C1orf87: variants seen among roughly 807,000 people sequenced by gnomAD.
C1orf87 encodes the protein uncharacterized protein C1orf87.
C1orf87 carries 58 observed loss-of-function variants against 60.5 expected under a neutral mutation model. The ratio of observed to expected loss-of-function variants is 0.96; its 90% CI spans 0.78 to 1.19. The LOEUF is 1.19. Ranked by LOEUF, C1orf87 falls within the 50% of genes most tolerant of loss-of-function variation. C1orf87 has a pLI of 0.00. For synonymous variants in C1orf87, 236 were observed against 227.4 expected, an observed-to-expected ratio of 1.04 and a Z score of -0.34; for missense variants, 673 against 638.6, an observed-to-expected ratio of 1.05 and a Z score of -0.58.
intron 2 of C1orf87, among the ~76,000 whole-genome samples, chr1:60,069,589 T>A (rs576051909): frequency 6.6e-6 from 1 of 152,318 alleles, no homozygotes; most frequent in Non-Finnish European, 1.5e-5. Flanking sequence ...TAAGTATTTT[T>A]CTTTGATCTG....
In C1orf87 at chr1:60,056,227, C is replaced by T. The variant is rs1298751360; in HGVS notation, c.108-789G>A. On this transcript the variant is annotated intron_variant, in intron 2 of 11. Transcript: ENST00000371201. The stretch of plus-strand genomic sequence containing the variant: ...CCACTAGACTCCAGCCTGGGTGACA[C>T]GTCTCTAAAAAAATAAAAAATAAAA... Among the ~76,000 whole-genome samples, 4 of 151,818 alleles carry T rather than the reference C, an allele frequency of 2.6e-5. No individual in the cohort carries two copies. In the East Asian group the frequency reaches 5.8e-4, roughly 22 times the overall value.
chr1:59,992,262 A>T (rs1240357772), intron 11 of C1orf87, among the ~76,000 whole-genome samples: 6 of 141,344 alleles, frequency 4.2e-5, no homozygotes, highest in South Asian at 2.2e-4. Flanking sequence ...TTATTTATTT[A>T]TTTTTTATTT....
intron 2 of C1orf87, among the ~76,000 whole-genome samples, chr1:60,070,143 CA>C (rs1209522561): frequency 6.6e-6 from 1 of 152,158 alleles, no homozygotes; most frequent in Non-Finnish European, 1.5e-5. Flanking sequence ...CTAAGCCACC[CA>C]GTTTGTGGTA....
intron 9 of C1orf87, among the ~76,000 whole-genome samples, chr1:60,004,915 A>G (rs1645031759): frequency 3.0e-5 from 4 of 135,144 alleles, no homozygotes; most frequent in Admixed American, 8.3e-5. Context: ...TGCATGTTAG[A>G]CCCACCTGGG....
chr1:60,053,835 C>T (rs754076207), intron 3 of C1orf87, among the ~76,000 whole-genome samples: 22 of 152,110 alleles, frequency 1.4e-4, no homozygotes, highest in Admixed American at 2.6e-4. Context: ...AACATCTTAT[C>T]TACACACTTA....
intron 3 of C1orf87, among the ~76,000 whole-genome samples, chr1:60,045,048 G>A (rs527978746): frequency 6.6e-6 from 1 of 152,326 alleles, no homozygotes; most frequent in East Asian, 1.9e-4. Context: ...ATTTTTGAGT[G>A]TGTGTAGAGT....
chr1:60,014,871 C>A (rs576298034), intron 8 of C1orf87, among the ~76,000 whole-genome samples: 1 of 152,306 alleles, frequency 6.6e-6, no homozygotes, highest in South Asian at 2.1e-4. Context: ...CAAATCCCAC[C>A]AAGCTCAGCT....
At chr1:60,010,544 T>C in intron 8 of C1orf87, 88 bp from the exon 9 acceptor site, 5 of 1,149,602 alleles carry the variant, frequency 4.3e-6, no homozygotes, top group Non-Finnish European at 6.5e-6. Flanking sequence ...TTGGTAGTGA[T>C]ATTGAATAAG....
At chr1:60,042,653 A>G (rs915863859) in intron 3 of C1orf87, among the ~76,000 whole-genome samples, 5 of 168 alleles carry the variant, frequency 0.03, no homozygotes, top group East Asian at 0.12. Flanking sequence ...CATTATTTAA[A>G]TCCTTACACA....
intron 8 of C1orf87, among the ~76,000 whole-genome samples, chr1:60,023,735 A>G (rs540921122): frequency 6.6e-6 from 1 of 152,242 alleles, no homozygotes; most frequent in African/African-American, 2.4e-5. Flanking sequence ...TCTGTTCCAG[A>G]TTCCCTCCAG....
intron 1 of C1orf87, among the ~76,000 whole-genome samples, chr1:60,073,044 G>C (rs1034079520): frequency 6.6e-6 from 1 of 152,128 alleles, no homozygotes; most frequent in Non-Finnish European, 1.5e-5. Flanking sequence ...AGAAACAAGG[G>C]CATTAGTGGG....
intron 7 of C1orf87, among the ~76,000 whole-genome samples, chr1:60,025,785 A>G (rs1030721313): frequency 2.0e-5 from 3 of 152,202 alleles, no homozygotes; most frequent in Non-Finnish European, 4.4e-5. Flanking sequence ...TTACATTTTT[A>G]TCAGCCATGG....
chr1:60,053,962 C>T (rs1050065159), intron 3 of C1orf87, among the ~76,000 whole-genome samples: 4 of 152,166 alleles, frequency 2.6e-5, no homozygotes, highest in South Asian at 4.2e-4. Flanking sequence ...AAATTTACCT[C>T]GAAGCAATCA....
At chr1:60,030,300 A>G (rs1313834949) in intron 7 of C1orf87, among the ~76,000 whole-genome samples, 3 of 152,226 alleles carry the variant, frequency 2.0e-5, no homozygotes, top group African/African-American at 7.2e-5. Flanking sequence ...GTTAGTAAAA[A>G]TCTTTTTTAT....
rs544948765 is a variant in C1orf87 at position 60,055,840 on chromosome 1, T to C, written c.108-402A>G. ...CCAGTTCTGCTCTATGCCTCTCCCC[T>C]TGAGACTTCCTTTTCTCCTGGGAGC... On this transcript the variant is annotated intron_variant, in intron 2 of 11. Transcript: ENST00000371201. Among the ~76,000 whole-genome samples the C allele has an allele frequency of 3.9e-5, 6 of 152,236 alleles. No individual in the cohort carries two copies. The East Asian group carries it at 1.2e-3, about 29-fold the overall frequency.
intron 8 of C1orf87, among the ~76,000 whole-genome samples, chr1:60,018,697 G>A (rs11802153): frequency 0.015 from 2,282 of 151,944 alleles, 45 homozygotes; most frequent in African/African-American, 0.052. Flanking sequence ...CACACCTCTC[G>A]CCTTCATCCA....
intron 11 of C1orf87, among the ~76,000 whole-genome samples, chr1:59,991,460 C>T (rs1644923105): frequency 6.6e-6 from 1 of 152,188 alleles, no homozygotes; most frequent in African/African-American, 2.4e-5. Flanking sequence ...ACACCTAATA[C>T]AATGCAATTG....
chr1:60,031,273 C>G (rs1645236234), intron 7 of C1orf87, among the ~76,000 whole-genome samples: 1 of 152,180 alleles, frequency 6.6e-6, no homozygotes, highest in Non-Finnish European at 1.5e-5. Flanking sequence ...TCTGGGGAAA[C>G]AGAATTCTAT....
At chr1:60,026,696 A>G (rs1258768315) in intron 7 of C1orf87, among the ~76,000 whole-genome samples, 1 of 152,210 alleles carries the variant, frequency 6.6e-6, no homozygotes, top group Non-Finnish European at 1.5e-5. Context: ...AAAAAAATGA[A>G]TATATAAGTA....
Sources: allele counts gnomAD v4.1 joint callset (sites outside exome capture counted in the v4.1 genomes callset), GRCh38; gene constraint gnomAD v4.1.1; transcripts MANE v1.5; gene names NCBI Gene and HGNC (gene_info 2026-07-23, HGNC 2026-07-21).